The following RALGAPA2 variants were observed in gnomAD, a reference collection of about 807,000 sequenced individuals.
RALGAPA2 encodes the protein Ral GTPase activating protein catalytic subunit alpha 2, also known as ral GTPase-activating protein subunit alpha-2.
RALGAPA2 carries 139 observed loss-of-function variants against 230.4 expected under a neutral mutation model. That is an observed-to-expected ratio of 0.60 (90% CI 0.53 to 0.69). The LOEUF is 0.69. RALGAPA2 is among the 30% of genes least tolerant of loss of function. The pLI, the probability that RALGAPA2 is intolerant of heterozygous loss-of-function variation, is 0.00. For synonymous variants in RALGAPA2, 847 were observed against 837.8 expected (o/e 1.01, Z -0.19); for missense variants, 2,163 against 2,276.0 (o/e 0.95, Z 1.01).
At chr20:20,503,056 A>G (rs889885555) in intron 35 of RALGAPA2, among the ~76,000 whole-genome samples, 1 of 152,202 alleles carries the variant, frequency 6.6e-6, no homozygotes, top group Non-Finnish European at 1.5e-5. Context: ...CCCCGCAGCA[A>G]GCCTCAGAGG....
At chr20:20,677,629 ATTTTTTTTTTT>A (rs758379115) in intron 2 of RALGAPA2, among the ~76,000 whole-genome samples, 22 of 64,310 alleles carry the variant, frequency 3.4e-4, no homozygotes, top group African/African-American at 1.4e-3. Context: ...GATTTGACCC[ATTTTTTTTTTT>A]TTTTTTTTTT....
chr20:20,415,845 G>T (rs1267288962), intron 37 of RALGAPA2, among the ~76,000 whole-genome samples: 1 of 152,204 alleles, frequency 6.6e-6, no homozygotes, highest in Non-Finnish European at 1.5e-5. Context: ...GACACACCCT[G>T]CTGAATCTGC....
At chr20:20,447,764 T>C (rs1480065004) in intron 37 of RALGAPA2, among the ~76,000 whole-genome samples, 2 of 151,986 alleles carry the variant, frequency 1.3e-5, no homozygotes, top group Non-Finnish European at 2.9e-5. Context: ...GCTCTTTTTC[T>C]GGGCACCTGT....
chr20:20,627,768 A>C (rs1350715242), intron 10 of RALGAPA2, among the ~76,000 whole-genome samples: 1 of 152,226 alleles, frequency 6.6e-6, no homozygotes, highest in Admixed American at 6.5e-5. Context: ...TGCCAGTAAC[A>C]AATCTTTCAT....
Position 20,616,182 on chromosome 20 carries a change from T to C in RALGAPA2, c.1549A>G (p.Thr517Ala). ...AACAAAAAGATGTTTGCAGAGTTCG[T>C]CAAAAATACCTTAAAATCAACAACT... Reference protein sequence around the residue: ...GVQALLQVFLTNSANIFLLEP... With the variant: ...GVQALLQVFLANSANIFLLEP... Residue 517 changes from threonine (T) to alanine (A), a missense_variant, in exon 13 of 40, where the codon ACG (threonine) becomes GCG (alanine). Coordinates refer to ENST00000202677, the MANE Select transcript of RALGAPA2 (RefSeq NM_020343.4). The C allele has an allele frequency of 6.6e-7, 1 of 1,512,372 alleles. No individual in the cohort carries two copies. 93.7% of individuals were successfully genotyped at this position (1,512,372 alleles called of 1,614,324 possible). A position where few individuals can be genotyped will look rare whatever the true frequency, so the allele number is the denominator to read the frequency against.
Position 20,701,713 on chromosome 20 carries a change from G to A in RALGAPA2, c.106+10662C>T, listed in dbSNP as rs1271020869. On this transcript the variant is annotated intron_variant, in intron 1 of 39. Transcript: ENST00000202677. ...CCACTGCACTCCAGCCTGGGCGACA[G>A]AGCAGGACTTCATCTCAAAGAATAA... 2.6e-5 allele frequency among the ~76,000 whole-genome samples: 4 copies of A among 151,998 alleles called. No homozygotes were observed. The East Asian group carries it at 7.7e-4, about 29-fold the overall frequency.
intron 1 of RALGAPA2, among the ~76,000 whole-genome samples, chr20:20,682,964 G>A (rs1311315270): frequency 6.6e-6 from 1 of 152,160 alleles, no homozygotes; most frequent in East Asian, 1.9e-4. Context: ...ACTGCTGCCA[G>A]CTGATTTCTC....
rs1393435333 is a variant in RALGAPA2, at chr20:20,393,266, C to T, written c.*36-13G>A. ...GAGGCCAGGGCCCCTGCAAAGGAAG[C>T]AGAGAACTGCTAAGTCATGGAGGCA... On this transcript the variant is annotated splice_polypyrimidine_tract_variant and intron_variant, in intron 39 of 39. Coordinates refer to ENST00000202677, the MANE Select transcript of RALGAPA2 (RefSeq NM_020343.4). 3 of 1,331,402 alleles carry T rather than the reference C, an allele frequency of 2.3e-6. No individual in the cohort carries two copies. Among genetic ancestry groups the T allele is most frequent in the Middle Eastern group, 2.2e-4 (1 of 4,650 alleles). 82.5% of individuals were successfully genotyped at this position (1,331,402 alleles called of 1,614,324 possible). A position where few individuals can be genotyped will look rare whatever the true frequency, so the allele number is the denominator to read the frequency against.
chr20:20,709,433 T>C (rs1420701035), intron 1 of RALGAPA2, among the ~76,000 whole-genome samples: 1 of 152,080 alleles, frequency 6.6e-6, no homozygotes, highest in African/African-American at 2.4e-5. Context: ...GCTGCAGCAG[T>C]TGAGGCAAGG....
At chr20:20,555,724 TAC>T (rs967930895) in intron 23 of RALGAPA2, among the ~76,000 whole-genome samples, 15 of 152,234 alleles carry the variant, frequency 9.9e-5, no homozygotes, top group Non-Finnish European at 1.6e-4. Context: ...TGTATAAAAA[TAC>T]AGTTGATTTT....
chr20:20,452,522 G>A (rs1041864225), intron 37 of RALGAPA2, among the ~76,000 whole-genome samples: 2 of 152,220 alleles, frequency 1.3e-5, no homozygotes, highest in East Asian at 1.9e-4. Flanking sequence ...GTCTCCTCCC[G>A]GCGGCGAGGA....
At chr20:20,602,327 C>G (rs1196919192) in intron 15 of RALGAPA2, among the ~76,000 whole-genome samples, 3 of 152,196 alleles carry the variant, frequency 2.0e-5, no homozygotes, top group Non-Finnish European at 4.4e-5. Context: ...GTCAAATGGG[C>G]AGGATAATGA....
rs1171280876 is a variant in RALGAPA2 at position 20,450,407 on chromosome 20, A to C, written c.5495+22422T>G. Among the ~76,000 whole-genome samples the C allele has an allele frequency of 2.6e-5, 4 of 152,384 alleles. No individual in the cohort carries two copies. In the East Asian group the frequency reaches 5.8e-4, roughly 22 times the overall value. The stretch of plus-strand genomic sequence containing the variant: ...ATAATTTTGTTTTCATATTTATTCC[A>C]TACAATCAAGGTTTAAAAGGCTAGG... On this transcript the variant is annotated intron_variant, in intron 37 of 39. Coordinates refer to ENST00000202677, the MANE Select transcript of RALGAPA2 (RefSeq NM_020343.4).
At chr20:20,695,610 AAAT>A (rs1450621847) in intron 1 of RALGAPA2, among the ~76,000 whole-genome samples, 3 of 152,214 alleles carry the variant, frequency 2.0e-5, no homozygotes, top group Non-Finnish European at 4.4e-5. Flanking sequence ...TTATGCTCAG[AAAT>A]GATGTCTCTG....
chr20:20,424,136 T>C (rs1339055133), intron 37 of RALGAPA2, among the ~76,000 whole-genome samples: 1 of 152,230 alleles, frequency 6.6e-6, no homozygotes, highest in African/African-American at 2.4e-5. Flanking sequence ...TATGCTGTTA[T>C]TAGAAATGTT....
chr20:20,468,194 C>T (rs2061461744), intron 37 of RALGAPA2, among the ~76,000 whole-genome samples: 1 of 152,192 alleles, frequency 6.6e-6, no homozygotes, highest in African/African-American at 2.4e-5. Flanking sequence ...AGATTGTCTG[C>T]CAGCCAGGAA....
chr20:20,710,741 G>A (rs1003963447), intron 1 of RALGAPA2, among the ~76,000 whole-genome samples: 3 of 152,214 alleles, frequency 2.0e-5, no homozygotes, highest in Admixed American at 2.0e-4. Flanking sequence ...TGTGTGCTAA[G>A]AAATAACCTG....
intron 3 of RALGAPA2, among the ~76,000 whole-genome samples, chr20:20,655,224 A>G (rs2067546512): frequency 6.6e-6 from 1 of 152,168 alleles, no homozygotes; most frequent in South Asian, 2.1e-4. Context: ...CACTCTTGAA[A>G]AATAAAATAA....
At chr20:20,462,274 C>G (rs891722915) in intron 37 of RALGAPA2, among the ~76,000 whole-genome samples, 3 of 152,146 alleles carry the variant, frequency 2.0e-5, no homozygotes, top group African/African-American at 7.2e-5. Context: ...AATATTGTGG[C>G]ATTTTGGGGA....
Sources: allele counts gnomAD v4.1 joint callset (sites outside exome capture counted in the v4.1 genomes callset), GRCh38; gene constraint gnomAD v4.1.1; transcripts MANE v1.5; gene names NCBI Gene and HGNC (gene_info 2026-07-23, HGNC 2026-07-21).